CPS1: variants seen among roughly 807,000 people sequenced by gnomAD.
The protein encoded by CPS1 is carbamoyl-phosphate synthase [ammonia], mitochondrial.
CPS1 carries 109 observed loss-of-function variants against 174.6 expected under a neutral mutation model. The ratio of observed to expected loss-of-function variants is 0.62; its 90% CI spans 0.53 to 0.73. CPS1 has a LOEUF of 0.73. Ranked by LOEUF, CPS1 falls within the 30% of genes least tolerant of loss-of-function variation. The pLI, the probability that CPS1 is intolerant of heterozygous loss-of-function variation, is 0.00. For synonymous variants in CPS1, 637 were observed against 632.0 expected (o/e 1.01, Z -0.12); for missense variants, 1,689 against 1,821.9 (o/e 0.93, Z 1.33).
Position 210,605,115 on chromosome 2 carries a change from C to G in CPS1, c.1850C>G (p.Thr617Ser). Residue 617 changes from threonine to serine, a missense_variant, in exon 17 of 38, where the codon ACC becomes AGC. Thr to Ser is a moderately conservative substitution (Grantham distance 58). Transcript: ENST00000233072. ...ACCAATTTCTAGGCCTTTGCTATGA[C>G]CAACCAAATTCTGGTGGAGAAGTCA... The part of the protein sequence containing the change: ...MDLSTKAFAM[T>S]NQILVEKSVT... 1 of 1,611,864 alleles carries G rather than the reference C, an allele frequency of 6.2e-7. No individual in the cohort carries two copies.
chr2:210,641,165 A>G (rs2105899992), intron 24 of CPS1, among the ~76,000 whole-genome samples: 1 of 152,312 alleles, frequency 6.6e-6, no homozygotes, highest in African/African-American at 2.4e-5. Flanking sequence ...TATGTCACCT[A>G]GGCTGGAATG....
chr2:210,675,519 G>A (rs1559141201), intron 35 of CPS1, among the ~76,000 whole-genome samples: 1 of 152,114 alleles, frequency 6.6e-6, no homozygotes, highest in Admixed American at 6.5e-5. Flanking sequence ...AAATAAAATT[G>A]AGGTTCTTAA....
chr2:210,505,896 G>T (rs544014585), intron 1 of CPS1, among the ~76,000 whole-genome samples: 1 of 152,182 alleles, frequency 6.6e-6, no homozygotes, highest in Non-Finnish European at 1.5e-5. Flanking sequence ...AGGGAAGCTC[G>T]AACTGGGTGG....
At chr2:210,606,288 C>T (rs149345818) in intron 17 of CPS1, among the ~76,000 whole-genome samples, 60 of 151,622 alleles carry the variant, frequency 4.0e-4, no homozygotes, top group African/African-American at 1.4e-3. Flanking sequence ...AAGATCTGAG[C>T]GTGTTTGAAG....
At chr2:210,626,855 T>C (rs1207917352) in intron 21 of CPS1, among the ~76,000 whole-genome samples, 1 of 152,218 alleles carries the variant, frequency 6.6e-6, no homozygotes, top group Non-Finnish European at 1.5e-5. Flanking sequence ...CTACTGTATA[T>C]CTCCGGTGAC....
At chr2:210,581,042 A>G (rs1315543206) in intron 5 of CPS1, among the ~76,000 whole-genome samples, 1 of 152,078 alleles carries the variant, frequency 6.6e-6, no homozygotes, top group African/African-American at 2.4e-5. Context: ...GTGAGAGTTT[A>G]TGCCATCATT....
chr2:210,518,942 T>C (rs1037760259), intron 1 of CPS1, among the ~76,000 whole-genome samples: 5 of 152,028 alleles, frequency 3.3e-5, no homozygotes, highest in African/African-American at 1.2e-4. Flanking sequence ...AGGTTTTTAT[T>C]AATTCCAAAT....
chr2:210,623,143 G>A (rs957056695), intron 21 of CPS1, among the ~76,000 whole-genome samples: 1 of 151,744 alleles, frequency 6.6e-6, no homozygotes, highest in African/African-American at 2.4e-5. Flanking sequence ...ATTCATTTTG[G>A]GCAATTTTCC....
chr2:210,554,873 A>G (rs891770948), upstream of CPS1, among the ~76,000 whole-genome samples: 21 of 151,726 alleles, frequency 1.4e-4, no homozygotes, highest in African/African-American at 4.8e-4. Flanking sequence ...ACACATAAAA[A>G]GACAAGAGGT....
At position 210,603,537 on chromosome 2, in the gene CPS1, T is replaced by C. The variant is rs187044344; in HGVS notation, c.1836+1207T>C. 7.6e-4 allele frequency among the ~76,000 whole-genome samples: 115 copies of C among 152,048 alleles called. No individual in the cohort carries two copies. In the East Asian group the frequency reaches 0.021, roughly 28 times the overall value. ...GATAGAAAGTTTATTTCCTCTAGCA[T>C]GTTAGAGGCTCCAAATATTTTCAAT... On this transcript the variant is annotated intron_variant, in intron 16 of 37. Coordinates refer to ENST00000233072, the MANE Select transcript of CPS1 (RefSeq NM_001875.5).
chr2:210,502,777 A>C (rs1002210876), intron 1 of CPS1, among the ~76,000 whole-genome samples: 1 of 152,116 alleles, frequency 6.6e-6, no homozygotes, highest in Admixed American at 6.6e-5. Flanking sequence ...AATTTGAGTG[A>C]GGGGTTCAGT....
chr2:210,526,774 G>A (rs12611623), intron 1 of CPS1, among the ~76,000 whole-genome samples: 29,607 of 151,714 alleles, frequency 0.2, 3,579 homozygotes, highest in Middle Eastern at 0.32. Context: ...CCTTTGAATG[G>A]GTAGCACAGA....
chr2:210,521,317 A>G (rs561172084), intron 1 of CPS1, among the ~76,000 whole-genome samples: 7 of 151,224 alleles, frequency 4.6e-5, no homozygotes, highest in African/African-American at 1.5e-4. Context: ...TTCTTTCTAC[A>G]TGTTTCCTTT....
intron 32 of CPS1, among the ~76,000 whole-genome samples, chr2:210,660,910 CTTTTT>C (rs1219465346): frequency 6.6e-6 from 1 of 152,130 alleles, no homozygotes; most frequent in Non-Finnish European, 1.5e-5. Context: ...GAATTATAAG[CTTTTT>C]GTGCAGCTGA....
intron 22 of CPS1, among the ~76,000 whole-genome samples, chr2:210,638,263 G>T (rs1245978575): frequency 1.3e-5 from 2 of 151,940 alleles, no homozygotes; most frequent in African/African-American, 4.8e-5. Flanking sequence ...TTTTTACAGG[G>T]TAATACTTTA....
chr2:210,649,378 T>A (rs914973196), intron 27 of CPS1, among the ~76,000 whole-genome samples: 3 of 152,218 alleles, frequency 2.0e-5, no homozygotes. Context: ...TTTTTCCTTT[T>A]TTGCAATCTA....
At chr2:210,532,299 TGGA>T (rs1479586342) in intron 1 of CPS1, among the ~76,000 whole-genome samples, 1 of 152,186 alleles carries the variant, frequency 6.6e-6, no homozygotes, top group East Asian at 1.9e-4. Flanking sequence ...TCTTTGACCT[TGGA>T]GCTATTTGGA....
chr2:210,520,422 C>T (rs992171100), intron 1 of CPS1, among the ~76,000 whole-genome samples: 1 of 151,882 alleles, frequency 6.6e-6, no homozygotes, highest in Non-Finnish European at 1.5e-5. Flanking sequence ...GGTTTTAAGC[C>T]CCACATGCAT....
chr2:210,638,052 A>T (rs1700092754), intron 22 of CPS1, among the ~76,000 whole-genome samples: 2 of 152,240 alleles, frequency 1.3e-5, no homozygotes, highest in Admixed American at 6.5e-5. Flanking sequence ...GGACACTAGG[A>T]TGTAAAGATA....
Sources: allele counts gnomAD v4.1 joint callset (sites outside exome capture counted in the v4.1 genomes callset), GRCh38; gene constraint gnomAD v4.1.1; transcripts MANE v1.5; gene names NCBI Gene and HGNC (gene_info 2026-07-23, HGNC 2026-07-21).